DPY19L3: variants seen among roughly 807,000 people sequenced by gnomAD.
The protein encoded by DPY19L3 is dpy-19 like C-mannosyltransferase 3.
Under a neutral mutation model 92.3 loss-of-function variants are expected in DPY19L3, and 51 were observed. The ratio of observed to expected loss-of-function variants is 0.55; its 90% CI spans 0.44 to 0.70. The LOEUF (loss-of-function observed/expected upper bound fraction) is 0.70. Among genes scored for constraint, DPY19L3 ranks in the 30% least tolerant of loss-of-function variants. DPY19L3 has a pLI of 0.00. For missense variants in DPY19L3, 706 were observed against 855.9 expected (o/e 0.82, Z 2.18); for synonymous variants, 309 against 315.2 (o/e 0.98, Z 0.21).
chr19:32,418,623 T>A (rs2145421584), intron 3 of DPY19L3, among the ~76,000 whole-genome samples: 1 of 152,352 alleles, frequency 6.6e-6, no homozygotes, highest in African/African-American at 2.4e-5. Flanking sequence ...TGTATATTCC[T>A]TTATAAATCT....
Position 32,413,339 on chromosome 19 carries a change from A to G in DPY19L3, c.237+1967A>G, listed in dbSNP as rs1968258723. Among the ~76,000 whole-genome samples, 2 of 152,218 alleles carry G rather than the reference A, an allele frequency of 1.3e-5. 1 individual carries two copies. Among genetic ancestry groups the G allele is most frequent in the Admixed American group, 1.3e-4 (2 of 15,282 alleles). On this transcript the variant is annotated intron_variant, in intron 3 of 18. Coordinates refer to ENST00000392250, the MANE Select transcript of DPY19L3 (RefSeq NM_001172774.2). ...TACTTTGATGACAAATCTAATTTAT[A>G]AGAATGACCTCTAGTGTGTTTATTT...
At chr19:32,406,214 C>G (rs918529106) in intron 1 of DPY19L3, 1 of 152,294 alleles carries the variant, frequency 6.6e-6, no homozygotes, top group East Asian at 1.9e-4. Flanking sequence ...CTTGGGAGAG[C>G]TGGGGCGCGT....
At chr19:32,422,112 G>A (rs1465072888) in intron 3 of DPY19L3, among the ~76,000 whole-genome samples, 1 of 152,152 alleles carries the variant, frequency 6.6e-6, no homozygotes, top group Non-Finnish European at 1.5e-5. Flanking sequence ...TAACTGATAA[G>A]GAAGGAACTG....
At chr19:32,433,875 T>G (rs1969050429) in intron 4 of DPY19L3, among the ~76,000 whole-genome samples, 1 of 152,208 alleles carries the variant, frequency 6.6e-6, no homozygotes, top group Non-Finnish European at 1.5e-5. Context: ...AGCCCTTCGC[T>G]TAGTGGTTTT....
At chr19:32,480,330 A>G (rs1370505634) in intron 17 of DPY19L3, 69 bp from the exon 18 acceptor site, 4 of 1,529,720 alleles carry the variant, frequency 2.6e-6, no homozygotes, top group Non-Finnish European at 2.7e-6. Flanking sequence ...GTGGAAGGTT[A>G]CATCACATAG....
intron 16 of DPY19L3, among the ~76,000 whole-genome samples, chr19:32,471,447 A>T (rs1394889422): frequency 6.6e-6 from 1 of 152,200 alleles, no homozygotes; most frequent in Non-Finnish European, 1.5e-5. Context: ...TGTCCTTGGG[A>T]TGAATCACAA....
At chr19:32,446,703 T>G (rs953315163) in intron 8 of DPY19L3, among the ~76,000 whole-genome samples, 2 of 152,194 alleles carry the variant, frequency 1.3e-5, no homozygotes, top group Non-Finnish European at 2.9e-5. Context: ...ACAACAGTAC[T>G]GCAACGTGTG....
At chr19:32,411,503 G>T in intron 3 of DPY19L3, 131 bp downstream of exon 3, 1 of 767,044 alleles carries the variant, frequency 1.3e-6, no homozygotes, top group Non-Finnish European at 2.0e-6. Flanking sequence ...GGACTATAGA[G>T]TGAAATAACT....
chr19:32,464,679 AG>A, intron 14 of DPY19L3, 48 bp from the exon 15 acceptor site: 5 of 1,239,306 alleles, frequency 4.0e-6, no homozygotes, highest in Non-Finnish European at 4.5e-6. Flanking sequence ...CTCTCAAAAA[AG>A]AAAAGGTTCA....
chr19:32,460,066 A>G (rs957765282), intron 12 of DPY19L3, among the ~76,000 whole-genome samples: 1 of 152,150 alleles, frequency 6.6e-6, no homozygotes, highest in Non-Finnish European at 1.5e-5. Flanking sequence ...TTGTAACACA[A>G]TGGTAAGTAT....
At chr19:32,447,981 G>T (rs1478821158) in intron 8 of DPY19L3, among the ~76,000 whole-genome samples, 1 of 152,130 alleles carries the variant, frequency 6.6e-6, no homozygotes, top group African/African-American at 2.4e-5. Flanking sequence ...TGGGAGGTGG[G>T]TGGGTGTTGA....
At chr19:32,463,218 A>AT in intron 12 of DPY19L3, 148 bp from the exon 13 acceptor site, 1 of 871,696 alleles carries the variant, frequency 1.1e-6, no homozygotes, top group East Asian at 2.8e-5. Flanking sequence ...TAAATTCAAA[A>AT]TTGATCAATG....
chr19:32,481,832 C>A (rs1032901274), intron 18 of DPY19L3: 1 of 459,216 alleles, frequency 2.2e-6, no homozygotes, highest in Admixed American at 3.7e-5. Context: ...GACCTGAGTT[C>A]TAGTTCTGGC....
chr19:32,469,683 TCATAATGCTTTAGTGTC>T (rs951744856), intron 16 of DPY19L3, among the ~76,000 whole-genome samples: 3 of 152,136 alleles, frequency 2.0e-5, no homozygotes, highest in African/African-American at 7.2e-5. Flanking sequence ...GTCTTGAATA[TCATAATGCTTTAGTGTC>T]CTATTGGCTC....
At chr19:32,430,893 G>A (rs1318055897) in intron 3 of DPY19L3, among the ~76,000 whole-genome samples, 1 of 151,106 alleles carries the variant, frequency 6.6e-6, no homozygotes, top group Non-Finnish European at 1.5e-5. Flanking sequence ...CTCCCAAAGT[G>A]CATGGCTATA....
At chr19:32,422,914 A>G (rs1444926361) in intron 3 of DPY19L3, among the ~76,000 whole-genome samples, 2 of 152,250 alleles carry the variant, frequency 1.3e-5, no homozygotes, top group East Asian at 1.9e-4. Context: ...CTAATGGTCA[A>G]AGACCATGAA....
chr19:32,423,282 A>G (rs964102587), intron 3 of DPY19L3, among the ~76,000 whole-genome samples: 1 of 152,064 alleles, frequency 6.6e-6, no homozygotes, highest in Non-Finnish European at 1.5e-5. Flanking sequence ...TCTGTCGCCT[A>G]GGCTGGAATG....
At chr19:32,411,177 G>T in intron 2 of DPY19L3, 62 bp from the exon 3 acceptor site, 1 of 1,520,232 alleles carries the variant, frequency 6.6e-7, no homozygotes, top group Non-Finnish European at 8.9e-7. Flanking sequence ...ATCTGAAGTA[G>T]AACTATTACA....
chr19:32,471,604 C>T (rs575570331), intron 16 of DPY19L3, among the ~76,000 whole-genome samples: 1 of 152,262 alleles, frequency 6.6e-6, no homozygotes, highest in South Asian at 2.1e-4. Context: ...CGCCCCGTGT[C>T]CTTGCTGCTG....
Sources: gnomAD v4.1 joint callset for allele counts (sites outside exome capture counted in the v4.1 genomes callset) on GRCh38, gnomAD v4.1.1 for gene constraint, MANE v1.5 for transcripts, NCBI Gene and HGNC (gene_info 2026-07-23, HGNC 2026-07-21) for gene names.